The following OSBPL9 variants were observed in gnomAD, a reference collection of about 807,000 sequenced individuals.
The protein encoded by OSBPL9 is oxysterol-binding protein-related protein 9.
A neutral mutation model predicts 106.6 loss-of-function variants in OSBPL9; 40 were observed. That is an observed-to-expected ratio of 0.38 (90% CI 0.29 to 0.49). The LOEUF (loss-of-function observed/expected upper bound fraction) is 0.49. Ranked by LOEUF, OSBPL9 falls within the 20% of genes least tolerant of loss-of-function variation. The pLI is 0.97. For missense variants in OSBPL9, 609 were observed against 887.2 expected (o/e 0.69, Z 3.98); for synonymous variants, 269 against 295.4 (o/e 0.91, Z 0.92).
intron 1 of OSBPL9, among the ~76,000 whole-genome samples, chr1:51,597,447 G>A (rs112311038): frequency 8.7e-4 from 124 of 143,234 alleles, no homozygotes; most frequent in African/African-American, 1.9e-3. Context: ...GTGTGTGTGT[G>A]TGTGTGTGTG....
chr1:51,709,385 ACAGTTCT>A (rs1250019421), intron 3 of OSBPL9: 3 of 207,586 alleles, frequency 1.4e-5, no homozygotes, highest in African/African-American at 6.9e-5. Context: ...ATAAGCATGC[ACAGTTCT>A]GGAGATATTT....
At chr1:51,622,738 GAGCAAAGAGGA>G (rs1368344719) in intron 1 of OSBPL9, among the ~76,000 whole-genome samples, 2 of 152,208 alleles carry the variant, frequency 1.3e-5, no homozygotes, top group African/African-American at 4.8e-5. Flanking sequence ...ATCCAAGTGA[GAGCAAAGAGGA>G]AGCCTCAATC....
At chr1:51,740,101 A>T (rs927532712) in intron 4 of OSBPL9, 3 of 1,548,122 alleles carry the variant, frequency 1.9e-6, no homozygotes, top group African/African-American at 1.4e-5. Context: ...GACTCACAGC[A>T]TGGTAACTTT....
chr1:51,628,570 CA>C (rs771968519), intron 1 of OSBPL9, among the ~76,000 whole-genome samples: 8 of 149,666 alleles, frequency 5.3e-5, no homozygotes, highest in Non-Finnish European at 1.2e-4. Context: ...GGCGACAGAG[CA>C]AGACTCCATC....
intron 7 of OSBPL9, 134 bp downstream of exon 7, chr1:51,748,532 A>G: frequency 9.9e-7 from 1 of 1,015,082 alleles, no homozygotes; most frequent in South Asian, 3.4e-5. Context: ...GGGGTGCTTA[A>G]GCATTGTATT....
chr1:51,541,963 C>T, the OSBPL9 span, among the ~76,000 whole-genome samples: 1 of 152,132 alleles, frequency 6.6e-6, no homozygotes, highest in Non-Finnish European at 1.5e-5. Context: ...TCTTAGGTCA[C>T]TGCAACCTCT....
chr1:51,784,272 T>A lies in OSBPL9; in HGVS notation c.1633T>A (p.Ser545Thr). 1.9e-6 allele frequency: 3 copies of A among 1,613,908 alleles called. No homozygotes were observed. The highest frequency in any genetic ancestry group is 2.5e-6 in the Non-Finnish European group (3 of 1,179,772). The change falls in exon 19 of 24, where the codon TCA becomes ACA. Residue 545 changes from serine to threonine, a missense_variant. Ser to Thr is a moderately conservative substitution (Grantham distance 58). Transcript: ENST00000428468. ...GTCCCTTCTCTCCACAGGCTGTGTC[T>A]CATGTCTAGACTATGATGAACATTA... ...GVHNIGQGCV[S>T]CLDYDEHYIL...
Position 51,761,911 on chromosome 1 carries a change from C to T in OSBPL9, c.718C>T (p.Pro240Ser). ...GTCAGAGCAGCGTCCATCTTCCCTA[C>T]CAGTTGGACCTGTGTTGGCTACCTT... ...CKSEQRPSSL[P>S]VGPVLATLGH... The change falls in exon 11 of 24, where the codon CCA (proline) becomes TCA (serine). Residue 240 changes from proline to serine, a missense_variant. Pro to Ser is a moderately conservative substitution (Grantham distance 74). This residue lies in a region of OSBPL9 where 356 missense variants were observed against 505.8 expected (regional missense o/e 0.70). Coordinates refer to ENST00000428468, the MANE Select transcript of OSBPL9 (RefSeq NM_024586.6). The T allele has an allele frequency of 6.2e-7, 1 of 1,613,838 alleles. No individual in the cohort carries two copies. The highest frequency in any genetic ancestry group is 8.5e-7 in the Non-Finnish European group (1 of 1,179,774).
At chr1:51,784,131 G>C in intron 18 of OSBPL9, 106 bp downstream of exon 18, 2 of 1,385,462 alleles carry the variant, frequency 1.4e-6, no homozygotes, top group South Asian at 2.3e-5. Flanking sequence ...TTGGGGGTGA[G>C]AGCAAAGGGT....
chr1:51,712,355 C>G (rs1204323238), intron 3 of OSBPL9, among the ~76,000 whole-genome samples: 1 of 152,228 alleles, frequency 6.6e-6, no homozygotes, highest in African/African-American at 2.4e-5. Flanking sequence ...GGCAGCAGTA[C>G]AGTCCAGCTT....
chr1:51,724,334 A>G (rs1662709546), intron 4 of OSBPL9, among the ~76,000 whole-genome samples: 1 of 151,826 alleles, frequency 6.6e-6, no homozygotes, highest in Admixed American at 6.6e-5. Context: ...CCTGGGCTGG[A>G]GTGCAGTGGC....
intron 4 of OSBPL9, among the ~76,000 whole-genome samples, chr1:51,726,906 T>A (rs1663218976): frequency 1.3e-5 from 2 of 152,194 alleles, no homozygotes; most frequent in East Asian, 3.8e-4. Flanking sequence ...TTACTTTTTA[T>A]TTTAAATGCT....
intron 3 of OSBPL9, among the ~76,000 whole-genome samples, chr1:51,681,750 A>G (rs1050253671): frequency 2.0e-5 from 3 of 152,104 alleles, no homozygotes; most frequent in Admixed American, 6.6e-5. Flanking sequence ...CCAAAATCGC[A>G]GATGCCCACA....
At chr1:51,608,870 T>C (rs963527999) in intron 2 of OSBPL9, among the ~76,000 whole-genome samples, 1 of 151,798 alleles carries the variant, frequency 6.6e-6, no homozygotes, top group African/African-American at 2.4e-5. Context: ...AAAAAAAAAA[T>C]CCCTCAACCA....
chr1:51,770,232 C>T (rs1046407724), intron 12 of OSBPL9, among the ~76,000 whole-genome samples: 4 of 151,880 alleles, frequency 2.6e-5, no homozygotes, highest in Admixed American at 6.6e-5. Flanking sequence ...ACCTCCACCT[C>T]CCAGGTTCAA....
chr1:51,574,552 G>T (rs1033034286), upstream of OSBPL9, among the ~76,000 whole-genome samples: 1 of 152,190 alleles, frequency 6.6e-6, no homozygotes, highest in African/African-American at 2.4e-5. Context: ...CCAGGAGGCA[G>T]AGGTTGCAGT....
chr1:51,553,542 A>AC, the OSBPL9 span, among the ~76,000 whole-genome samples: 2 of 151,726 alleles, frequency 1.3e-5, no homozygotes, highest in Non-Finnish European at 2.9e-5. Flanking sequence ...AACAAAACAA[A>AC]CAAAAAAAAA....
At chr1:51,786,771 T>C (rs1677745728) in intron 22 of OSBPL9, among the ~76,000 whole-genome samples, 154 bp downstream of exon 22, 1 of 152,226 alleles carries the variant, frequency 6.6e-6, no homozygotes, top group Admixed American at 6.5e-5. Flanking sequence ...TACCACTTAC[T>C]ACCTTTGTGA....
intron 1 of OSBPL9, among the ~76,000 whole-genome samples, chr1:51,580,450 T>C (rs1021019555): frequency 2.6e-5 from 4 of 152,248 alleles, no homozygotes; most frequent in Admixed American, 2.0e-4. Flanking sequence ...TGAGAGCCTT[T>C]AGCAGGTCCT....
Sources: allele counts gnomAD v4.1 joint callset (sites outside exome capture counted in the v4.1 genomes callset), GRCh38; gene constraint gnomAD v4.1.1; regional missense constraint gnomAD v4.1.1; transcripts MANE v1.5; gene names NCBI Gene and HGNC (gene_info 2026-07-23, HGNC 2026-07-21).